The following KBTBD11 variants were observed in gnomAD, a reference collection of about 807,000 sequenced individuals.
KBTBD11 encodes kelch repeat and BTB domain containing 11, also known as kelch repeat and BTB domain-containing protein 11.
For missense variants in KBTBD11, 1,390 were observed against 1,001.8 expected (o/e 1.39, Z -5.23); for synonymous variants, 747 against 499.0 (o/e 1.50, Z -6.63).
Position 2,002,336 on chromosome 8 carries a change from GTCT to G in KBTBD11, c.1148_1150del (p.Phe383del), listed in dbSNP as rs1322044809. The G allele has an allele frequency of 6.9e-7, 1 of 1,451,020 alleles. No homozygotes were observed. The highest frequency in any genetic ancestry group is 1.5e-5 in the African/African-American group (1 of 67,124). 89.9% of individuals were successfully genotyped at this position (1,451,020 alleles called of 1,614,324 possible). A position where few individuals can be genotyped will look rare whatever the true frequency, so the allele number is the denominator to read the frequency against. On this transcript the variant is annotated inframe_deletion, in exon 2 of 2. Coordinates refer to ENST00000320248, the MANE Select transcript of KBTBD11 (RefSeq NM_014867.3). The surrounding 1 kb of genome is among the most constrained non-coding windows in gnomAD (Gnocchi z 4.1). ...CGGCCGCGCGCGCCCGTCCGACCAG[GTCT>G]TCTGCTACAACCCGGCCACGGACAG...
Position 1,974,335 on chromosome 8 carries a change from GC to G in KBTBD11, c.-909+405del, listed in dbSNP as rs571362568. The G allele has an allele frequency of 1.9e-5, 19 of 984,168 alleles. No homozygotes were observed. The African/African-American group carries it at 2.4e-4, about 13-fold the overall frequency. 61.0% of individuals were successfully genotyped at this position (984,168 alleles called of 1,614,324 possible). A position where few individuals can be genotyped will look rare whatever the true frequency, so the allele number is the denominator to read the frequency against. ...CGCCCGCGCCGCGCCCGCAGTCACC[GC>G]CCCCGCCGAGGGTCCCGCCGCCCCA... On this transcript the variant is annotated intron_variant, in intron 1 of 1. Coordinates refer to ENST00000320248, the MANE Select transcript of KBTBD11 (RefSeq NM_014867.3).
chr8:1,995,445 G>C (rs1348190443), intron 1 of KBTBD11, among the ~76,000 whole-genome samples: 4 of 152,092 alleles, frequency 2.6e-5, no homozygotes, highest in African/African-American at 9.7e-5. Context: ...TTTCCTCCTG[G>C]CTAGTTTTAG....
At chr8:1,983,102 G>T (rs546930699) in intron 1 of KBTBD11, among the ~76,000 whole-genome samples, 1 of 152,142 alleles carries the variant, frequency 6.6e-6, no homozygotes, top group Non-Finnish European at 1.5e-5. Context: ...GGGTGTGTGT[G>T]CCCCGAGGCA....
At chr8:1,994,946 C>T (rs971780549) in intron 1 of KBTBD11, among the ~76,000 whole-genome samples, 3 of 151,806 alleles carry the variant, frequency 2.0e-5, no homozygotes, top group Admixed American at 1.3e-4. Context: ...ATAATCCCAG[C>T]TACTCGGGAG....
At chr8:1,987,176 C>T (rs1816733599) in intron 1 of KBTBD11, among the ~76,000 whole-genome samples, 1 of 152,194 alleles carries the variant, frequency 6.6e-6, no homozygotes, top group African/African-American at 2.4e-5. Context: ...TCCTTCCTCT[C>T]TCTGTTTTTA....
chr8:2,002,066 G>T lies in KBTBD11; in HGVS notation c.874G>T (p.Gly292Cys). 5 of 1,151,138 alleles carry T rather than the reference G, an allele frequency of 4.3e-6. No individual in the cohort carries two copies. The highest frequency in any genetic ancestry group is 5.3e-6 in the Non-Finnish European group (5 of 939,206). 71.3% of individuals were successfully genotyped at this position (1,151,138 alleles called of 1,614,324 possible). Residue 292 changes from glycine (G) to cysteine (C), a missense_variant, in exon 2 of 2, where the codon GGC becomes TGC. Coordinates refer to ENST00000320248, the MANE Select transcript of KBTBD11 (RefSeq NM_014867.3). This position sits in a 1 kb window ranked among gnomAD's most constrained non-coding sequence, Gnocchi z 4.1. ...DLLLRRRLRA[G>C]RAHLLAAALG... The stretch of plus-strand genomic sequence containing the variant: ...GCTGCTGCGCCGCCGCCTGCGCGCC[G>T]GCCGCGCCCACCTCTTGGCCGCGGC...
intron 1 of KBTBD11, among the ~76,000 whole-genome samples, chr8:1,991,351 C>T (rs574107636): frequency 3.9e-5 from 6 of 152,228 alleles, no homozygotes; most frequent in Non-Finnish European, 7.3e-5. Flanking sequence ...GATGGGAATC[C>T]CCGCACGCTA....
chr8:1,999,827 A>C (rs1817274683), intron 1 of KBTBD11, among the ~76,000 whole-genome samples: 1 of 152,252 alleles, frequency 6.6e-6, no homozygotes, highest in African/African-American at 2.4e-5. Flanking sequence ...GGAAACACTG[A>C]AAGAAAACTT....
At chr8:1,995,617 G>A (rs1022748660) in intron 1 of KBTBD11, among the ~76,000 whole-genome samples, 1 of 152,106 alleles carries the variant, frequency 6.6e-6, no homozygotes, top group African/African-American at 2.4e-5. Context: ...ACCCACCCTC[G>A]GTCCTGCCTG....
intron 1 of KBTBD11, among the ~76,000 whole-genome samples, chr8:1,995,276 C>T (rs748082849): frequency 2.6e-5 from 4 of 151,944 alleles, no homozygotes; most frequent in Non-Finnish European, 4.4e-5. Context: ...TGTAGTATCT[C>T]GTTGCTTGAA....
In KBTBD11 at chr8:2,002,473, C is replaced by G; in HGVS notation, c.1281C>G (p.Arg427=). ...VGGECLLSVE[R]YDPRADRWAP... Reference sequence around the variant, plus strand: ...GCGAGTGCCTGCTCAGCGTGGAGCGCTACGACCCGCGCGCCGACCGCTGGG... The same window carrying G: ...GCGAGTGCCTGCTCAGCGTGGAGCGGTACGACCCGCGCGCCGACCGCTGGG... The change falls in exon 2 of 2, where the codon CGC becomes CGG. Residue 427 remains arginine, a synonymous_variant. Transcript: ENST00000320248. The surrounding 1 kb of genome is among the most constrained non-coding windows in gnomAD (Gnocchi z 4.1). The G allele has an allele frequency of 6.6e-7, 1 of 1,510,738 alleles. No individual in the cohort carries two copies. The highest frequency in any genetic ancestry group is 8.8e-7 in the Non-Finnish European group (1 of 1,137,558). The allele number at this position is 1,510,738 out of a possible 1,614,324, so 93.6% of individuals were successfully genotyped here.
rs1350940667 is a variant in KBTBD11 at position 2,001,897 on chromosome 8, C to G, written c.705C>G (p.Asn235Lys). 3.5e-6 allele frequency: 5 copies of G among 1,421,126 alleles called. No individual in the cohort carries two copies. The highest frequency in any genetic ancestry group is 3.7e-6 in the Non-Finnish European group (4 of 1,079,578). 88.0% of individuals were successfully genotyped at this position (1,421,126 alleles called of 1,614,324 possible). A position where few individuals can be genotyped will look rare whatever the true frequency, so the allele number is the denominator to read the frequency against. ...TGGGGCCGCAGCTGAGCCTGGCCAA[C>G]TGCTACGAGGTCCTGAGCGCGGCCA... ...DAVGPQLSLA[N>K]CYEVLSAAKR... is the part of the protein sequence containing the mutation. Residue 235 changes from asparagine to lysine, a missense_variant, in exon 2 of 2, where the codon AAC (asparagine) becomes AAG (lysine). Asn to Lys is a moderately conservative substitution (Grantham distance 94, BLOSUM62 0). Transcript: ENST00000320248.
intron 1 of KBTBD11, chr8:1,974,589 C>T (rs570142632): frequency 3.0e-6 from 3 of 985,142 alleles, no homozygotes; most frequent in South Asian, 4.7e-5. Flanking sequence ...CCCGCGAGCC[C>T]CGAGCACCGC....
At chr8:1,991,063 GAT>G (rs1816895585) in intron 1 of KBTBD11, among the ~76,000 whole-genome samples, 2 of 101,390 alleles carry the variant, frequency 2.0e-5, no homozygotes, top group African/African-American at 4.3e-5. Flanking sequence ...TGTCCGGGTA[GAT>G]GCTGCGGGGC....
chr8:1,985,626 C>T (rs141388131), intron 1 of KBTBD11, among the ~76,000 whole-genome samples: 80 of 152,360 alleles, frequency 5.3e-4, no homozygotes, highest in African/African-American at 1.4e-3. Flanking sequence ...ACGCTACAGT[C>T]GTTAACTTCA....
chr8:1,981,822 C>A (rs1359317325), intron 1 of KBTBD11, among the ~76,000 whole-genome samples: 1 of 152,224 alleles, frequency 6.6e-6, no homozygotes, highest in African/African-American at 2.4e-5. Flanking sequence ...GTCAGGCCTT[C>A]AGCTTTGGAC....
chr8:2,002,755 G>T lies in KBTBD11; in HGVS notation c.1563G>T (p.Gly521=). 2 of 1,490,474 alleles carry T rather than the reference G, an allele frequency of 1.3e-6. No individual in the cohort carries two copies. The highest frequency in any genetic ancestry group is 1.8e-6 in the Non-Finnish European group (2 of 1,127,492). 92.3% of individuals were successfully genotyped at this position (1,490,474 alleles called of 1,614,324 possible). A position where few individuals can be genotyped will look rare whatever the true frequency, so the allele number is the denominator to read the frequency against. The change falls in exon 2 of 2, where the codon GGG becomes GGT. Residue 521 remains glycine (G), a synonymous_variant. Transcript: ENST00000320248. This position sits in a 1 kb window ranked among gnomAD's most constrained non-coding sequence, Gnocchi z 4.1. ...AGGCGCAGGCGGCGGGGCCGAGCGG[G>T]GTCAGCGTGTCCCGATACCACTGCC... The part of the protein sequence containing the change: ...RGEAQAAGPS[G]VSVSRYHCLA...
At chr8:1,977,829 C>T (rs1470169029) in intron 1 of KBTBD11, among the ~76,000 whole-genome samples, 1 of 152,178 alleles carries the variant, frequency 6.6e-6, no homozygotes, top group Non-Finnish European at 1.5e-5. Context: ...AACCACCACT[C>T]CCAGCTCAGA....
chr8:1,991,031 A>G lies in KBTBD11; in HGVS notation c.-908-9254A>G, dbSNP rs7007984. On this transcript the variant is annotated intron_variant, in intron 1 of 1. Coordinates refer to ENST00000320248, the MANE Select transcript of KBTBD11 (RefSeq NM_014867.3). ...GGGCCTTGGCGCCCTGTCCGGGTAG[A>G]TGCTGCCGGGCCTTGGCGCCCTGTC... Among the ~76,000 whole-genome samples, 36 of 6,220 alleles carry G rather than the reference A, an allele frequency of 5.8e-3. 1 individual carries two copies. Among genetic ancestry groups the G allele is most frequent in the East Asian group, 0.01 (1 of 96 alleles). 4.1% of individuals were successfully genotyped at this position (6,220 alleles called of 152,430 possible).
Sources: allele counts gnomAD v4.1 joint callset (sites outside exome capture counted in the v4.1 genomes callset), GRCh38; gene constraint gnomAD v4.1.1; non-coding constraint Gnocchi (gnomAD v3.1); transcripts MANE v1.5; gene names NCBI Gene and HGNC (gene_info 2026-07-23, HGNC 2026-07-21).